Variants in IFT88 observed in about 807,000 individuals in gnomAD.
IFT88 encodes the protein intraflagellar transport protein 88 homolog.
IFT88 carries 74 observed loss-of-function variants against 119.5 expected under a neutral mutation model. The ratio of observed to expected loss-of-function variants is 0.62; its 90% CI spans 0.51 to 0.75. The LOEUF is 0.75. IFT88 is among the 30% of genes least tolerant of loss of function. The pLI, the probability that IFT88 is intolerant of heterozygous loss-of-function variation, is 0.00. For synonymous variants in IFT88, 279 were observed against 316.7 expected (o/e 0.88, Z 1.26); for missense variants, 961 against 977.7 (o/e 0.98, Z 0.23).
intron 24 of IFT88, among the ~76,000 whole-genome samples, chr13:20,689,725 T>C (rs983869219): frequency 5.9e-5 from 9 of 152,284 alleles, no homozygotes; most frequent in African/African-American, 2.2e-4. Flanking sequence ...TTAAACCTTT[T>C]TGGAGACAGG....
chr13:20,573,106 G>A (rs1042843798), intron 1 of IFT88, among the ~76,000 whole-genome samples: 1 of 152,116 alleles, frequency 6.6e-6, no homozygotes, highest in South Asian at 2.1e-4. Flanking sequence ...CCAGAGAGGC[G>A]TGGGAGTGAA....
chr13:20,600,111 G>A (rs2042356726), intron 11 of IFT88, among the ~76,000 whole-genome samples: 1 of 152,172 alleles, frequency 6.6e-6, no homozygotes, highest in South Asian at 2.1e-4. Context: ...GCACAGTACA[G>A]TTTCTCTGTG....
At chr13:20,634,498 A>G (rs1327894076) in intron 16 of IFT88, among the ~76,000 whole-genome samples, 1 of 152,174 alleles carries the variant, frequency 6.6e-6, no homozygotes, top group African/African-American at 2.4e-5. Flanking sequence ...TGAGGCCAGG[A>G]GTTCAAGCCT....
intron 23 of IFT88, 21 bp from the exon 24 acceptor site, chr13:20,670,952 C>A (rs757431606): frequency 1.2e-6 from 2 of 1,606,086 alleles, no homozygotes; most frequent in Non-Finnish European, 1.7e-6. Flanking sequence ...TTCTTTTAAA[C>A]TTGTCTTCTC....
intron 23 of IFT88, among the ~76,000 whole-genome samples, chr13:20,668,480 T>C (rs1402047339): frequency 6.6e-6 from 1 of 152,238 alleles, no homozygotes; most frequent in East Asian, 1.9e-4. Flanking sequence ...GCCTTCTCTG[T>C]AACTTCCACA....
intron 14 of IFT88, among the ~76,000 whole-genome samples, chr13:20,621,748 T>G (rs1447027197): frequency 2.6e-5 from 4 of 152,160 alleles, no homozygotes; most frequent in Non-Finnish European, 5.9e-5. Flanking sequence ...CACATAGTAT[T>G]ACCATGTGAA....
intron 21 of IFT88, among the ~76,000 whole-genome samples, chr13:20,655,324 C>T (rs1229355724): frequency 1.3e-5 from 2 of 150,610 alleles, no homozygotes; most frequent in African/African-American, 4.9e-5. Flanking sequence ...CCCATCTACT[C>T]GGGAGGCTGA....
intron 13 of IFT88, among the ~76,000 whole-genome samples, chr13:20,614,715 A>G (rs1236072096): frequency 6.6e-6 from 1 of 152,184 alleles, no homozygotes; most frequent in Non-Finnish European, 1.5e-5. Context: ...GGAATCTCTT[A>G]TGTTTTACAA....
At chr13:20,605,231 ATG>A (rs2043220959) in intron 13 of IFT88, 126 bp downstream of exon 13, 2 of 434,842 alleles carry the variant, frequency 4.6e-6, no homozygotes, top group South Asian at 4.7e-5. Context: ...AAAGGGTTGA[ATG>A]TGCATTCTGT....
intron 22 of IFT88, among the ~76,000 whole-genome samples, chr13:20,663,019 A>G (rs577915096): frequency 1.9e-4 from 29 of 152,338 alleles, no homozygotes; most frequent in African/African-American, 6.3e-4. Context: ...GCCACTGTAA[A>G]ATACATCTTT....
At position 20,674,702 on chromosome 13, in the gene IFT88, TTATA is replaced by T. The variant is rs1177876016; in HGVS notation, c.2242+3683_2242+3686del. Among the ~76,000 whole-genome samples, 213 of 90,608 alleles carry T rather than the reference TTATA, an allele frequency of 2.4e-3. 2 individuals carry two copies. The highest frequency in any genetic ancestry group is 8.2e-3 in the African/African-American group (184 of 22,344). The allele number at this position is 90,608 out of a possible 152,430, so 59.4% of individuals were successfully genotyped here. On this transcript the variant is annotated intron_variant, in intron 24 of 25. Coordinates refer to ENST00000351808, the MANE Select transcript of IFT88 (RefSeq NM_006531.5). ...TATTTTATTTAAAAAAACTGAAGTTTTATATATATATATATATATATATTTTTTT... is the reference window on the plus strand; with the variant it reads ...TATTTTATTTAAAAAAACTGAAGTTTTATATATATATATATATATTTTTTT...
At chr13:20,688,164 C>T (rs962545928) in intron 24 of IFT88, among the ~76,000 whole-genome samples, 1 of 152,142 alleles carries the variant, frequency 6.6e-6, no homozygotes, top group Non-Finnish European at 1.5e-5. Flanking sequence ...GGTGAAACCC[C>T]GTCTCTACTA....
chr13:20,638,097 GTGT>G (rs1317190717), intron 16 of IFT88, among the ~76,000 whole-genome samples: 1 of 152,174 alleles, frequency 6.6e-6, no homozygotes, highest in Non-Finnish European at 1.5e-5. Context: ...CATATAAATA[GTGT>G]TGTTATTCTA....
intron 1 of IFT88, among the ~76,000 whole-genome samples, chr13:20,572,801 C>T (rs556252444): frequency 1.6e-4 from 25 of 152,242 alleles, no homozygotes; most frequent in Non-Finnish European, 2.6e-4. Flanking sequence ...CCCCAAGAAG[C>T]GATCTCAGTT....
At chr13:20,603,828 G>T (rs2042993071) in intron 12 of IFT88, among the ~76,000 whole-genome samples, 1 of 152,050 alleles carries the variant, frequency 6.6e-6, no homozygotes, top group Non-Finnish European at 1.5e-5. Context: ...GCCCGAGGAG[G>T]TCAAGGCTGC....
At chr13:20,591,567 C>A in intron 5 of IFT88, 51 bp from the exon 6 acceptor site, 1 of 1,380,458 alleles carries the variant, frequency 7.2e-7, no homozygotes, top group Non-Finnish European at 1.0e-6. Flanking sequence ...CAGAACTGTA[C>A]ATAGGAGATA....
chr13:20,639,628 CA>C (rs1214419155), intron 17 of IFT88, among the ~76,000 whole-genome samples: 3 of 152,060 alleles, frequency 2.0e-5, no homozygotes, highest in Non-Finnish European at 2.9e-5. Flanking sequence ...AAGAGAGGCA[CA>C]AAGGTCTTCA....
At chr13:20,633,009 T>G (rs17054778) in intron 16 of IFT88, among the ~76,000 whole-genome samples, 2,966 of 152,258 alleles carry the variant, frequency 0.019, 108 homozygotes, top group African/African-American at 0.067. Context: ...GAAGAATGAC[T>G]CCAGTGCTTC....
intron 3 of IFT88, among the ~76,000 whole-genome samples, chr13:20,588,918 G>T (rs966333028): frequency 7.2e-5 from 11 of 152,132 alleles, no homozygotes; most frequent in African/African-American, 1.4e-4. Context: ...GAAGCCTGGA[G>T]GATTACCGGG....
Sources: allele counts gnomAD v4.1 joint callset (sites outside exome capture counted in the v4.1 genomes callset), GRCh38; gene constraint gnomAD v4.1.1; transcripts MANE v1.5; gene names NCBI Gene and HGNC (gene_info 2026-07-23, HGNC 2026-07-21).